The following RALGPS1 variants were observed in gnomAD, a reference collection of about 807,000 sequenced individuals.
The protein encoded by RALGPS1 is Ral GEF with PH domain and SH3 binding motif 1.
In RALGPS1, 19 loss-of-function variants were observed where a neutral mutation model predicts 78.8. The observed-to-expected ratio is 0.24, with a 90% CI of 0.17 to 0.35. The LOEUF (loss-of-function observed/expected upper bound fraction) is 0.35, where lower values mean the gene tolerates loss of function less well. Among genes scored for constraint, RALGPS1 ranks in the 10% least tolerant of loss-of-function variants. The probability of loss-of-function intolerance (pLI) is 1.00; values close to 1 mark genes in which losing one functional copy is unlikely to be tolerated. For missense variants in RALGPS1, 454 were observed against 688.3 expected, an observed-to-expected ratio of 0.66 and a Z score of 3.81; for synonymous variants, 228 against 256.3, an observed-to-expected ratio of 0.89 and a Z score of 1.06.
chr9:127,018,624 CTG>C (rs1006365298), intron 4 of RALGPS1, among the ~76,000 whole-genome samples: 43 of 146,912 alleles, frequency 2.9e-4, no homozygotes, highest in African/African-American at 9.9e-4. Flanking sequence ...CAGTGAGACT[CTG>C]TCTCAAAAAA....
At chr9:127,055,246 G>T (rs1441175448) in intron 7 of RALGPS1, among the ~76,000 whole-genome samples, 1 of 140,152 alleles carries the variant, frequency 7.1e-6, no homozygotes, top group Non-Finnish European at 1.5e-5. Context: ...GTCTGACAAG[G>T]TCTCACTCTG....
At chr9:126,925,477 G>T (rs1193721075) in intron 1 of RALGPS1, among the ~76,000 whole-genome samples, 4 of 152,072 alleles carry the variant, frequency 2.6e-5, no homozygotes, top group African/African-American at 9.7e-5. Context: ...GAACCTGGGG[G>T]GCAGAGGTTG....
chr9:126,932,781 T>C (rs2035908834), intron 1 of RALGPS1, among the ~76,000 whole-genome samples: 1 of 151,900 alleles, frequency 6.6e-6, no homozygotes. Flanking sequence ...CATTAGAACA[T>C]ATAATTAATT....
At chr9:127,036,468 G>T (rs1003923866) in intron 5 of RALGPS1, among the ~76,000 whole-genome samples, 1 of 152,244 alleles carries the variant, frequency 6.6e-6, no homozygotes, top group Non-Finnish European at 1.5e-5. Flanking sequence ...TTGCACTGTT[G>T]TTATGAAGAA....
chr9:127,204,180 T>G lies in RALGPS1; in HGVS notation c.1247+5114T>G, dbSNP rs77553326. On this transcript the variant is annotated intron_variant, in intron 14 of 18. Coordinates refer to ENST00000259351, the MANE Select transcript of RALGPS1 (RefSeq NM_014636.3). ...GAACTGATTTAGGGACTTTTTTTTTTGTTTTAGACAGAGTCTCACTCTGTT... is the reference window on the plus strand; with the variant it reads ...GAACTGATTTAGGGACTTTTTTTTTGGTTTTAGACAGAGTCTCACTCTGTT... Among the ~76,000 whole-genome samples the G allele has an allele frequency of 7.8e-4, 119 of 152,032 alleles. 1 individual carries two copies. The highest frequency in any genetic ancestry group is 1.6e-3 in the Non-Finnish European group (106 of 67,990).
chr9:127,181,856 G>C (rs1327832572), intron 11 of RALGPS1, among the ~76,000 whole-genome samples: 2 of 151,724 alleles, frequency 1.3e-5, no homozygotes, highest in Non-Finnish European at 2.9e-5. Context: ...TTTGAGTCTT[G>C]CCTCTTCTGC....
intron 1 of RALGPS1, among the ~76,000 whole-genome samples, chr9:126,935,679 G>C (rs1229163152): frequency 6.6e-6 from 1 of 152,194 alleles, no homozygotes; most frequent in Non-Finnish European, 1.5e-5. Context: ...TGTATCAGTT[G>C]ATTGGTTCTC....
At chr9:127,037,111 C>A (rs145362594) in intron 5 of RALGPS1, among the ~76,000 whole-genome samples, 1 of 152,138 alleles carries the variant, frequency 6.6e-6, no homozygotes, top group Non-Finnish European at 1.5e-5. Flanking sequence ...GAAGACTAAA[C>A]AAGAATCATG....
intron 4 of RALGPS1, among the ~76,000 whole-genome samples, chr9:126,979,857 A>G (rs1168443704): frequency 6.6e-6 from 1 of 152,180 alleles, no homozygotes; most frequent in African/African-American, 2.4e-5. Flanking sequence ...AGTCTTGGAA[A>G]CATGAGGGTA....
intron 1 of RALGPS1, among the ~76,000 whole-genome samples, chr9:126,917,363 A>T (rs540023374): frequency 6.6e-6 from 1 of 152,322 alleles, no homozygotes; most frequent in African/African-American, 2.4e-5. Context: ...GTGTTGAATA[A>T]TGAGGGGATT....
intron 8 of RALGPS1, among the ~76,000 whole-genome samples, chr9:127,106,260 C>T (rs1039110808): frequency 1.4e-4 from 9 of 63,238 alleles, no homozygotes; most frequent in South Asian, 4.0e-4. Flanking sequence ...CCCAAGGGCA[C>T]GTTTTACCCT....
intron 4 of RALGPS1, among the ~76,000 whole-genome samples, chr9:127,000,845 C>T (rs186546097): frequency 1.2e-4 from 18 of 151,546 alleles, no homozygotes; most frequent in African/African-American, 3.6e-4. Context: ...TGAGCCACCG[C>T]GCCCGGCCTC....
At chr9:127,025,465 C>T (rs2045886074) in intron 4 of RALGPS1, among the ~76,000 whole-genome samples, 1 of 152,148 alleles carries the variant, frequency 6.6e-6, no homozygotes, top group Non-Finnish European at 1.5e-5. Flanking sequence ...TAAGTGTGTG[C>T]CTAACTTGAT....
chr9:127,210,651 G>A, intron 14 of RALGPS1: 1 of 1,438,944 alleles, frequency 6.9e-7, no homozygotes, highest in Non-Finnish European at 9.6e-7. Flanking sequence ...GGAGCATCTG[G>A]TCTTTCAAAG....
chr9:127,183,974 C>A lies in RALGPS1; in HGVS notation c.910+9192C>A, dbSNP rs1005646852. The A allele has an allele frequency of 6.5e-7, 1 of 1,550,300 alleles. No homozygotes were observed. Among genetic ancestry groups the A allele is most frequent in the Non-Finnish European group, 8.7e-7 (1 of 1,146,940 alleles). Reference sequence around the variant, plus strand: ...GATGTGGCCCAGCTCCTCACGAGTACCAGCGGCTCCCCCAGCATCTGCTGC... The same window carrying A: ...GATGTGGCCCAGCTCCTCACGAGTAACAGCGGCTCCCCCAGCATCTGCTGC... On this transcript the variant is annotated intron_variant, in intron 11 of 18. Coordinates refer to ENST00000259351, the MANE Select transcript of RALGPS1 (RefSeq NM_014636.3). The surrounding 1 kb of genome is among the most constrained non-coding windows in gnomAD (Gnocchi z 4.0).
chr9:126,981,276 A>T (rs1002349135), intron 4 of RALGPS1, among the ~76,000 whole-genome samples: 2 of 152,228 alleles, frequency 1.3e-5, no homozygotes, highest in African/African-American at 4.8e-5. Context: ...TGGGATTAGC[A>T]TGCACAGAGG....
intron 1 of RALGPS1, among the ~76,000 whole-genome samples, chr9:126,943,487 G>C (rs1015717839): frequency 7.2e-5 from 11 of 152,110 alleles, no homozygotes; most frequent in Non-Finnish European, 4.4e-5. Context: ...CTGGAGAGTG[G>C]AAGGCAAATG....
chr9:127,090,491 T>C (rs1178603959), intron 8 of RALGPS1, among the ~76,000 whole-genome samples: 4 of 152,224 alleles, frequency 2.6e-5, no homozygotes, highest in Non-Finnish European at 4.4e-5. Context: ...GTCTGTGTGA[T>C]ACAGGGATGG....
intron 4 of RALGPS1, among the ~76,000 whole-genome samples, chr9:127,017,132 A>G (rs941848644): frequency 6.6e-6 from 1 of 152,234 alleles, no homozygotes; most frequent in Non-Finnish European, 1.5e-5. Flanking sequence ...ATACAGTCAT[A>G]TGTCACTTAA....
Sources: gnomAD v4.1 joint callset for allele counts (sites outside exome capture counted in the v4.1 genomes callset) on GRCh38, gnomAD v4.1.1 for gene constraint, Gnocchi (gnomAD v3.1) non-coding constraint, MANE v1.5 for transcripts, NCBI Gene and HGNC (gene_info 2026-07-23, HGNC 2026-07-21) for gene names.